The following MUSK variants were observed in gnomAD, a reference collection of about 807,000 sequenced individuals.
The protein encoded by MUSK is muscle associated receptor tyrosine kinase, also known as muscle, skeletal receptor tyrosine-protein kinase.
Under a neutral mutation model 88.7 loss-of-function variants are expected in MUSK, and 55 were observed. That is an observed-to-expected ratio of 0.62 (90% CI 0.50 to 0.78). The LOEUF is 0.78. Among genes scored for constraint, MUSK ranks in the 30% least tolerant of loss-of-function variants. The probability of loss-of-function intolerance (pLI) is 0.00; values close to 1 mark genes in which losing one functional copy is unlikely to be tolerated. For synonymous variants in MUSK, 387 were observed against 391.9 expected (o/e 0.99, Z 0.15); for missense variants, 1,015 against 1,074.3 (o/e 0.94, Z 0.77).
intron 14 of MUSK, among the ~76,000 whole-genome samples, chr9:110,797,142 A>AAAAAAAATGCAT (rs2078015031): frequency 1.9e-5 from 1 of 53,390 alleles, no homozygotes; most frequent in Non-Finnish European, 3.9e-5. Flanking sequence ...TAAAAAATAA[A>AAAAAAAATGCAT]AAATAAATGC....
chr9:110,716,159 G>T (rs956490593), intron 5 of MUSK, among the ~76,000 whole-genome samples: 1 of 149,832 alleles, frequency 6.7e-6, no homozygotes. Flanking sequence ...AAAGAAAAAA[G>T]AAAATATTAG....
At chr9:110,722,461 T>C (rs1345785293) in intron 5 of MUSK, among the ~76,000 whole-genome samples, 1 of 149,598 alleles carries the variant, frequency 6.7e-6, no homozygotes, top group Non-Finnish European at 1.5e-5. Flanking sequence ...AACTGGGAGG[T>C]GGAGGTTGCA....
At position 110,678,901 on chromosome 9, in the gene MUSK, T is replaced by A. The variant is rs551196836; in HGVS notation, c.80-3773T>A. 6.6e-5 allele frequency among the ~76,000 whole-genome samples: 9 copies of A among 135,636 alleles called. No individual in the cohort carries two copies. The South Asian group carries it at 2.1e-3, about 31-fold the overall frequency. 89.0% of individuals were successfully genotyped at this position (135,636 alleles called of 152,430 possible). ...ATAAACAGGATTGGGATTTTTTGTT[T>A]TTTTGCTATCTTTTTATTGTCTATT... On this transcript the variant is annotated intron_variant, in intron 1 of 14. Transcript: ENST00000374448.
At chr9:110,728,395 A>C in intron 5 of MUSK, 1 of 359,322 alleles carries the variant, frequency 2.8e-6, no homozygotes, top group Non-Finnish European at 5.0e-6. Flanking sequence ...CATTAGAATA[A>C]AAATTCATGA....
chr9:110,679,002 T>G (rs1260814832), intron 1 of MUSK, among the ~76,000 whole-genome samples: 1 of 152,130 alleles, frequency 6.6e-6, no homozygotes, highest in Non-Finnish European at 1.5e-5. Flanking sequence ...AAATCTCCTA[T>G]GTAGCTTGGT....
At chr9:110,784,294 T>C (rs1455979055) in intron 11 of MUSK, among the ~76,000 whole-genome samples, 3 of 152,170 alleles carry the variant, frequency 2.0e-5, no homozygotes, top group African/African-American at 7.2e-5. Flanking sequence ...TGATTTTACT[T>C]TATACATATC....
intron 3 of MUSK, among the ~76,000 whole-genome samples, chr9:110,688,169 A>C (rs1006176424): frequency 2.6e-5 from 4 of 152,076 alleles, no homozygotes; most frequent in African/African-American, 9.7e-5. Flanking sequence ...AACTGTATTC[A>C]TCATGTCATC....
At position 110,704,984 on chromosome 9, in the gene MUSK, C is replaced by CAA. The variant is rs35622904; in HGVS notation, c.628+7531_628+7532dup. Among the ~76,000 whole-genome samples the CAA allele has an allele frequency of 5.9e-4, 66 of 112,068 alleles. 1 individual carries two copies. The highest frequency in any genetic ancestry group is 5.6e-3 in the Middle Eastern group (1 of 178). The allele number at this position is 112,068 out of a possible 152,430, so 73.5% of individuals were successfully genotyped here. On this transcript the variant is annotated intron_variant, in intron 5 of 14. Coordinates refer to ENST00000374448, the MANE Select transcript of MUSK (RefSeq NM_005592.4). The stretch of plus-strand genomic sequence containing the variant: ...CAGGCAACAGTGCAAGATTCCATCT[C>CAA]AAAAAAAAAAAAAAGAAAGAAAGAA...
At chr9:110,731,138 C>A (rs2076958067) in intron 5 of MUSK, among the ~76,000 whole-genome samples, 1 of 151,848 alleles carries the variant, frequency 6.6e-6, no homozygotes, top group South Asian at 2.1e-4. Flanking sequence ...GAGTGCCTAC[C>A]ATATATATAT....
intron 14 of MUSK, among the ~76,000 whole-genome samples, chr9:110,797,683 T>G (rs996252934): frequency 1.3e-5 from 2 of 152,202 alleles, no homozygotes; most frequent in African/African-American, 4.8e-5. Flanking sequence ...ACTTCTTCCA[T>G]TTCCTCAACT....
intron 5 of MUSK, among the ~76,000 whole-genome samples, chr9:110,718,130 T>C (rs929738080): frequency 2.0e-5 from 3 of 152,108 alleles, no homozygotes; most frequent in Non-Finnish European, 4.4e-5. Context: ...TATAAATTGA[T>C]GCTGGCCAGT....
At chr9:110,744,319 C>T (rs958075067) in intron 6 of MUSK, among the ~76,000 whole-genome samples, 5 of 152,234 alleles carry the variant, frequency 3.3e-5, no homozygotes, top group African/African-American at 1.2e-4. Flanking sequence ...CTGGAACTAT[C>T]TGCAAGACAG....
rs2076925624 is a variant in MUSK, at chr9:110,728,980, AAAATG to A, written c.629-5261_629-5257del. On this transcript the variant is annotated intron_variant, in intron 5 of 14. Coordinates refer to ENST00000374448, the MANE Select transcript of MUSK (RefSeq NM_005592.4). Reference sequence around the variant, plus strand: ...ATTTGGTGTCTCTGGAAATACAAACAAAATGAAATGAAATAAATCAGCATGAGAGT... The same window carrying A: ...ATTTGGTGTCTCTGGAAATACAAACAAAATGAAATAAATCAGCATGAGAGT... Among the ~76,000 whole-genome samples the A allele has an allele frequency of 2.0e-5, 3 of 152,052 alleles. No homozygotes were observed. In the South Asian group the frequency reaches 6.2e-4, roughly 31 times the overall value.
intron 7 of MUSK, among the ~76,000 whole-genome samples, chr9:110,752,024 G>A (rs766855070): frequency 2.0e-4 from 31 of 152,074 alleles, no homozygotes; most frequent in Admixed American, 1.3e-3. Flanking sequence ...AGACCCTTTT[G>A]TCCAACCCCT....
chr9:110,755,263 A>T (rs963529158), intron 7 of MUSK, among the ~76,000 whole-genome samples: 15 of 152,162 alleles, frequency 9.9e-5, no homozygotes, highest in African/African-American at 3.6e-4. Context: ...AAGCAAAGTG[A>T]CCCATTTAGG....
Position 110,800,765 on chromosome 9 carries a change from T to C in MUSK, c.2387T>C (p.Phe796Ser). The C allele has an allele frequency of 6.2e-7, 1 of 1,613,998 alleles. No homozygotes were observed. The change falls in exon 15 of 15, where the codon TTC (phenylalanine) becomes TCC (serine). Residue 796 changes from phenylalanine (F) to serine (S), a missense_variant. Phe to Ser is a radical substitution (Grantham distance 155). Coordinates refer to ENST00000374448, the MANE Select transcript of MUSK (RefSeq NM_005592.4). ...WAYGVVLWEI[F>S]SYGLQPYYGM... ...TATGGCGTGGTCCTCTGGGAGATCTTCTCCTATGGCCTGCAGCCCTACTAT... is the reference window on the plus strand; with the variant it reads ...TATGGCGTGGTCCTCTGGGAGATCTCCTCCTATGGCCTGCAGCCCTACTAT...
intron 5 of MUSK, among the ~76,000 whole-genome samples, chr9:110,723,230 T>TATATAC (rs1554744106): frequency 1.1e-4 from 6 of 57,026 alleles, no homozygotes; most frequent in African/African-American, 3.6e-4. Context: ...CTACTACATA[T>TATATAC]ACATACACAC....
At chr9:110,722,598 G>T (rs1427207542) in intron 5 of MUSK, among the ~76,000 whole-genome samples, 1 of 151,702 alleles carries the variant, frequency 6.6e-6, no homozygotes, top group African/African-American at 2.4e-5. Flanking sequence ...GAAATAATCA[G>T]CAGAGTTAAC....
chr9:110,731,321 A>C lies in MUSK; in HGVS notation c.629-2930A>C, dbSNP rs1587966679. ...CAAATAAATCAGTAATTACCAAATG[A>C]TTCAGATAGTGGTGATATGATACAA... On this transcript the variant is annotated intron_variant, in intron 5 of 14. Transcript: ENST00000374448. 2.6e-5 allele frequency among the ~76,000 whole-genome samples: 4 copies of C among 152,198 alleles called. No individual in the cohort carries two copies. The South Asian group carries it at 8.3e-4, about 32-fold the overall frequency.
Sources: allele counts gnomAD v4.1 joint callset (sites outside exome capture counted in the v4.1 genomes callset), GRCh38; gene constraint gnomAD v4.1.1; transcripts MANE v1.5; gene names NCBI Gene and HGNC (gene_info 2026-07-23, HGNC 2026-07-21).